The following PLD5 variants were observed in gnomAD, a reference collection of about 807,000 sequenced individuals.
PLD5 encodes phospholipase D family member 5, also known as inactive phospholipase D5.
PLD5 carries 36 observed loss-of-function variants against 61.1 expected under a neutral mutation model. That is an observed-to-expected ratio of 0.59 (90% CI 0.45 to 0.78). PLD5 has a LOEUF of 0.78. PLD5 is among the 30% of genes least tolerant of loss of function. The pLI is 0.00. For synonymous variants in PLD5, 243 were observed against 242.8 expected, an observed-to-expected ratio of 1.00 and a Z score of -0.01; for missense variants, 515 against 644.4, an observed-to-expected ratio of 0.80 and a Z score of 2.17.
chr1:242,132,206 G>GT (rs1491310667), intron 5 of PLD5, among the ~76,000 whole-genome samples: 4 of 87,078 alleles, frequency 4.6e-5, no homozygotes, highest in African/African-American at 2.3e-4. Flanking sequence ...GGGGGGGGGG[G>GT]GCGGAATCAT....
intron 4 of PLD5, among the ~76,000 whole-genome samples, chr1:242,246,974 CTTTTTTTTTTTTT>C (rs74466537): frequency 1.5e-5 from 2 of 135,904 alleles, no homozygotes; most frequent in African/African-American, 2.8e-5. Flanking sequence ...TTTAGGGATT[CTTTTTTTTTTTTT>C]TTTTTTTTTT....
chr1:242,390,149 C>T (rs1662846528), intron 1 of PLD5, among the ~76,000 whole-genome samples: 1 of 151,758 alleles, frequency 6.6e-6, no homozygotes, highest in Admixed American at 6.6e-5. Flanking sequence ...GTCTCTGCCT[C>T]TTGGGTTCAA....
intron 1 of PLD5, among the ~76,000 whole-genome samples, chr1:242,394,928 ACAT>A (rs1388161221): frequency 3.5e-5 from 2 of 56,456 alleles, no homozygotes; most frequent in African/African-American, 7.5e-5. Flanking sequence ...ATATATGTAT[ACAT>A]TATATGAATA....
intron 2 of PLD5, among the ~76,000 whole-genome samples, chr1:242,297,934 C>T (rs1219832582): frequency 2.0e-5 from 3 of 152,184 alleles, no homozygotes; most frequent in Non-Finnish European, 2.9e-5. Context: ...CCACCGCGCC[C>T]GGCCCGGATT....
chr1:242,370,284 T>A (rs1447369351), intron 1 of PLD5, among the ~76,000 whole-genome samples: 2 of 152,188 alleles, frequency 1.3e-5, no homozygotes, highest in Non-Finnish European at 2.9e-5. Context: ...AAGAAAAATG[T>A]GTTTCATCCC....
intron 3 of PLD5, among the ~76,000 whole-genome samples, chr1:242,275,846 G>A (rs181877502): frequency 3.5e-4 from 53 of 152,310 alleles, no homozygotes; most frequent in Admixed American, 1.2e-3. Context: ...CTTGTAAGAC[G>A]CATTGAAGAG....
intron 1 of PLD5, among the ~76,000 whole-genome samples, chr1:242,419,403 T>A (rs1243594822): frequency 6.6e-6 from 1 of 150,426 alleles, no homozygotes; most frequent in South Asian, 2.1e-4. Context: ...TTTTTTTTTT[T>A]TTGGCGGGGG....
chr1:242,236,531 G>T (rs917464581), intron 4 of PLD5, among the ~76,000 whole-genome samples: 2 of 149,920 alleles, frequency 1.3e-5, no homozygotes, highest in Non-Finnish European at 3.0e-5. Flanking sequence ...TTTTGCTTTT[G>T]AAAAAAATAA....
chr1:242,502,992 C>A (rs543707275), intron 1 of PLD5, among the ~76,000 whole-genome samples: 83 of 152,172 alleles, frequency 5.5e-4, no homozygotes, highest in African/African-American at 1.9e-3. Flanking sequence ...ACCCAGGAGG[C>A]AGAGGTTGCA....
intron 1 of PLD5, among the ~76,000 whole-genome samples, chr1:242,384,033 C>G (rs948841756): frequency 6.6e-6 from 1 of 152,222 alleles, no homozygotes; most frequent in Admixed American, 6.5e-5. Context: ...ATCCCGCTGA[C>G]TTCGGCAACG....
intron 2 of PLD5, among the ~76,000 whole-genome samples, chr1:242,328,017 G>C (rs1658903314): frequency 6.6e-6 from 1 of 152,130 alleles, no homozygotes. Flanking sequence ...CAAGGCTGCA[G>C]GAAGTCATGG....
chr1:242,257,429 C>G (rs1473258927), intron 4 of PLD5, among the ~76,000 whole-genome samples: 4 of 152,176 alleles, frequency 2.6e-5, no homozygotes, highest in African/African-American at 9.7e-5. Context: ...ACACCCCAAG[C>G]CCACAGTGTG....
At chr1:242,351,528 C>G (rs1660478139) in intron 1 of PLD5, among the ~76,000 whole-genome samples, 2 of 152,320 alleles carry the variant, frequency 1.3e-5, no homozygotes, top group South Asian at 2.1e-4. Flanking sequence ...CACACACTCT[C>G]TTGCCTGCCC....
chr1:242,326,103 C>G (rs1351576287), intron 2 of PLD5, among the ~76,000 whole-genome samples: 1 of 149,340 alleles, frequency 6.7e-6, no homozygotes, highest in Non-Finnish European at 1.5e-5. Context: ...TCTTGAATTC[C>G]TGGCCTCAAA....
chr1:242,270,224 G>A (rs316914), intron 3 of PLD5, among the ~76,000 whole-genome samples: 149,432 of 149,846 alleles, frequency 1, 74,512 homozygotes, highest in Middle Eastern at 1. Context: ...CAGAATCCGC[G>A]GGGCTCCACA....
At chr1:242,364,588 C>A (rs1661240629) in intron 1 of PLD5, among the ~76,000 whole-genome samples, 1 of 151,972 alleles carries the variant, frequency 6.6e-6, no homozygotes, top group South Asian at 2.1e-4. Context: ...TGGTGGCATG[C>A]ACCTGTAATC....
intron 1 of PLD5, among the ~76,000 whole-genome samples, chr1:242,484,601 C>T (rs866900230): frequency 5.3e-5 from 8 of 152,100 alleles, no homozygotes; most frequent in South Asian, 2.1e-4. Context: ...CAGGACCAGA[C>T]AGATTCACAG....
At chr1:242,378,507 T>C (rs904115615) in intron 1 of PLD5, among the ~76,000 whole-genome samples, 2 of 152,086 alleles carry the variant, frequency 1.3e-5, no homozygotes, top group African/African-American at 4.8e-5. Flanking sequence ...GTTAAAATGG[T>C]AAATTTTATG....
intron 1 of PLD5, among the ~76,000 whole-genome samples, chr1:242,457,898 G>T (rs1412066355): frequency 6.6e-6 from 1 of 152,174 alleles, no homozygotes; most frequent in Non-Finnish European, 1.5e-5. Flanking sequence ...TCCTATCGAG[G>T]TCTATGTTAA....
Sources: allele counts gnomAD v4.1 joint callset (sites outside exome capture counted in the v4.1 genomes callset), GRCh38; gene constraint gnomAD v4.1.1; transcripts MANE v1.5; gene names NCBI Gene and HGNC (gene_info 2026-07-23, HGNC 2026-07-21).